The following GOLGA4 variants were observed in gnomAD, a reference collection of about 807,000 sequenced individuals.
GOLGA4 encodes golgin A4, also known as golgin subfamily A member 4.
Under a neutral mutation model 265.9 loss-of-function variants are expected in GOLGA4, and 169 were observed. The observed-to-expected ratio is 0.64, with a 90% confidence interval of 0.56 to 0.72. The LOEUF (loss-of-function observed/expected upper bound fraction) is 0.72. Ranked by LOEUF, GOLGA4 falls within the 30% of genes least tolerant of loss-of-function variation. The pLI, the probability that GOLGA4 is intolerant of heterozygous loss-of-function variation, is 0.00. For missense variants in GOLGA4, 2,482 were observed against 2,483.4 expected, an observed-to-expected ratio of 1.00 and a Z score of 0.01; for synonymous variants, 923 against 855.8, an observed-to-expected ratio of 1.08 and a Z score of -1.37.
chr3:37,328,833 TC>T (rs2096980801), intron 15 of GOLGA4, 129 bp from the exon 16 acceptor site: 2 of 800,270 alleles, frequency 2.5e-6, no homozygotes, highest in South Asian at 2.1e-5. Flanking sequence ...TCATTAAACA[TC>T]TTAAAATGCT....
rs146847899 is a variant in GOLGA4 at position 37,243,596 on chromosome 3, C to T, written c.46C>T (p.Leu16Phe). The change falls in exon 1 of 24, where the codon CTC becomes TTC. Residue 16 changes from leucine (L) to phenylalanine (F), a missense_variant. Physicochemically the swap from Leu to Phe is conservative, Grantham distance 22. Coordinates refer to ENST00000361924, the MANE Select transcript of GOLGA4 (RefSeq NM_002078.5). ...KQKISEEQQQ[L>F]QQALAPAQAS... ...AAAGATCAGCGAGGAGCAGCAGCAG[C>T]TCCAGCAGGCGCTGGCTCCTGCTCA... 1.9e-6 allele frequency: 3 copies of T among 1,613,780 alleles called. No homozygotes were observed. Among genetic ancestry groups the T allele is most frequent in the Admixed American group, 3.3e-5 (2 of 60,028 alleles).
intron 21 of GOLGA4, among the ~76,000 whole-genome samples, chr3:37,351,370 C>T (rs1439029904): frequency 6.6e-6 from 1 of 152,148 alleles, no homozygotes; most frequent in Non-Finnish European, 1.5e-5. Flanking sequence ...CCACTGAGGT[C>T]TTGAATCCCT....
At chr3:37,349,674 C>G (rs935723223) in intron 21 of GOLGA4, among the ~76,000 whole-genome samples, 1 of 152,130 alleles carries the variant, frequency 6.6e-6, no homozygotes, top group Non-Finnish European at 1.5e-5. Context: ...TGTTTTTAGA[C>G]ATGTCTTTTG....
chr3:37,340,347 A>G, intron 20 of GOLGA4, 148 bp downstream of exon 20: 2 of 467,100 alleles, frequency 4.3e-6, no homozygotes, highest in Non-Finnish European at 7.6e-6. Context: ...ACAAATGCAT[A>G]TATGTATAGT....
At chr3:37,299,773 G>A (rs2096887946) in intron 9 of GOLGA4, among the ~76,000 whole-genome samples, 2 of 152,076 alleles carry the variant, frequency 1.3e-5, no homozygotes, top group Non-Finnish European at 2.9e-5. Flanking sequence ...TAAGGGGCTG[G>A]GCACAGTGGC....
rs187988961 is a variant in GOLGA4 at position 37,258,112 on chromosome 3, A to G, written c.162+6628A>G. Among the ~76,000 whole-genome samples the G allele has an allele frequency of 1.9e-3, 260 of 133,990 alleles. 11 individuals are homozygous for G. Among genetic ancestry groups the G allele is most frequent in the African/African-American group, 6.6e-3 (222 of 33,858 alleles). The allele number at this position is 133,990 out of a possible 152,430, so 87.9% of individuals were successfully genotyped here. Reference sequence around the variant, plus strand: ...ATATATATATGCTCTGTATATATATATGTGTGTATATATATATGCTCTGTA... The same window carrying G: ...ATATATATATGCTCTGTATATATATGTGTGTGTATATATATATGCTCTGTA... On this transcript the variant is annotated intron_variant, in intron 2 of 23. Transcript: ENST00000361924.
chr3:37,281,544 A>G (rs962201213), intron 2 of GOLGA4, among the ~76,000 whole-genome samples: 3 of 152,190 alleles, frequency 2.0e-5, no homozygotes, highest in African/African-American at 7.2e-5. Context: ...ATATACCTAC[A>G]TTTTAGACAC....
Position 37,355,145 on chromosome 3 carries a change from T to A in GOLGA4, c.6621T>A (p.Asp2207Glu). ...VITTVLKFPD[D>E]QTQKILERED... ...CCACCGTACTGAAGTTCCCTGATGA[T>A]CAGACTCAGAAAATTTTGGAAAGAG... is the stretch of plus-strand genomic sequence containing the variant. Residue 2207 changes from aspartate (D) to glutamate (E), a missense_variant, in exon 22 of 24, where the codon GAT (aspartate) becomes GAA (glutamate). Physicochemically the swap from Asp to Glu is conservative, Grantham distance 45. Coordinates refer to ENST00000361924, the MANE Select transcript of GOLGA4 (RefSeq NM_002078.5). 10 of 1,609,540 alleles carry A rather than the reference T, an allele frequency of 6.2e-6. No individual in the cohort carries two copies. The highest frequency in any genetic ancestry group is 8.5e-6 in the Non-Finnish European group (10 of 1,176,162).
chr3:37,246,019 A>G (rs2096718554), intron 1 of GOLGA4, among the ~76,000 whole-genome samples: 1 of 152,172 alleles, frequency 6.6e-6, no homozygotes, highest in South Asian at 2.1e-4. Flanking sequence ...GAATCGCTTG[A>G]ACTCAGTAGT....
chr3:37,261,327 T>C (rs543920166), intron 2 of GOLGA4, among the ~76,000 whole-genome samples: 1 of 152,274 alleles, frequency 6.6e-6, no homozygotes, highest in East Asian at 1.9e-4. Context: ...GTTTCAGTCA[T>C]GGAAGTAGTA....
chr3:37,265,150 T>TA (rs1240764536), intron 2 of GOLGA4, among the ~76,000 whole-genome samples: 3 of 151,880 alleles, frequency 2.0e-5, no homozygotes, highest in African/African-American at 7.3e-5. Flanking sequence ...TGTGTGTGTA[T>TA]AATTCTATAC....
chr3:37,258,029 A>ATATGTATATATACATACATATATATATG (rs1560280705), intron 2 of GOLGA4, among the ~76,000 whole-genome samples: 1 of 76,324 alleles, frequency 1.3e-5, no homozygotes, highest in East Asian at 2.4e-4. Context: ...ATGTATGTAT[A>ATATGTATATATACATACATATATATATG]TATGTATATA....
chr3:37,337,255 A>C, intron 18 of GOLGA4, 92 bp downstream of exon 18: 1 of 711,564 alleles, frequency 1.4e-6, no homozygotes, highest in Non-Finnish European at 2.4e-6. Context: ...GCTGGAGTGC[A>C]GTGATGCAAT....
rs1277140495 is a variant in GOLGA4 at position 37,315,422 on chromosome 3, T to A, written c.1237T>A (p.Phe413Ile). 1 of 1,610,546 alleles carries A rather than the reference T, an allele frequency of 6.2e-7. No individual in the cohort carries two copies. ...EQKEKSERAA[F>I]EELEKALSTA... Reference sequence around the variant, plus strand: ...GTTTTCTGTTGTTTTCATTATAGCTTTTGAGGAACTTGAAAAAGCTTTGAG... The same window carrying A: ...GTTTTCTGTTGTTTTCATTATAGCTATTGAGGAACTTGAAAAAGCTTTGAG... The change falls in exon 11 of 24, where the codon TTT becomes ATT. Residue 413 changes from phenylalanine to isoleucine, a missense_variant and splice_region_variant. Coordinates refer to ENST00000361924, the MANE Select transcript of GOLGA4 (RefSeq NM_002078.5).
At chr3:37,340,948 A>C (rs1455417226) in intron 20 of GOLGA4, among the ~76,000 whole-genome samples, 1 of 152,036 alleles carries the variant, frequency 6.6e-6, no homozygotes, top group Admixed American at 6.6e-5. Flanking sequence ...CAGGTGGATC[A>C]TGAGGTCAGG....
Position 37,300,532 on chromosome 3 carries a change from A to C in GOLGA4, c.1086+1161A>C, listed in dbSNP as rs559992408. On this transcript the variant is annotated intron_variant, in intron 9 of 23. Transcript: ENST00000361924. Reference sequence around the variant, plus strand: ...ATGAAGAACTTAAAACATTTACAAAAGAAAAGCTGCTAAAATGAATTTCTT... The same window carrying C: ...ATGAAGAACTTAAAACATTTACAAACGAAAAGCTGCTAAAATGAATTTCTT... Among the ~76,000 whole-genome samples, 3 of 152,206 alleles carry C rather than the reference A, an allele frequency of 2.0e-5. No individual in the cohort carries two copies. In the East Asian group the frequency reaches 5.8e-4, roughly 29 times the overall value.
rs539442032 is a variant in GOLGA4 at position 37,327,085 on chromosome 3, A to T, written c.5199A>T (p.Thr1733=). 3.1e-6 allele frequency: 5 copies of T among 1,613,802 alleles called. No individual in the cohort carries two copies. The highest frequency in any genetic ancestry group is 3.4e-6 in the Non-Finnish European group (4 of 1,179,812). The change falls in exon 14 of 24, where the codon ACA becomes ACT. Residue 1733 remains threonine (T), a synonymous_variant. Transcript: ENST00000361924. ...EADSQGCVQK[T]YEEKISVLQR... ...ATTCCCAAGGCTGTGTGCAGAAGAC[A>T]TATGAAGAAAAAATCAGTGTTTTAC...
At chr3:37,258,805 T>A (rs2096761639) in intron 2 of GOLGA4, among the ~76,000 whole-genome samples, 1 of 152,208 alleles carries the variant, frequency 6.6e-6, no homozygotes, top group African/African-American at 2.4e-5. Flanking sequence ...TTTTCAGAGG[T>A]TAAATTAACC....
At chr3:37,291,098 G>A (rs1319507930) in intron 5 of GOLGA4, among the ~76,000 whole-genome samples, 1 of 152,142 alleles carries the variant, frequency 6.6e-6, no homozygotes, top group African/African-American at 2.4e-5. Flanking sequence ...TAGTAATGGA[G>A]AGCAGGCATG....
Sources: gnomAD v4.1 joint callset for allele counts (sites outside exome capture counted in the v4.1 genomes callset) on GRCh38, gnomAD v4.1.1 for gene constraint, MANE v1.5 for transcripts, NCBI Gene and HGNC (gene_info 2026-07-23, HGNC 2026-07-21) for gene names.